Variants in RBFOX1 observed in about 807,000 individuals in gnomAD.
RBFOX1 encodes the protein RNA binding fox-1 homolog 1.
In RBFOX1, 8 loss-of-function variants were observed where a neutral mutation model predicts 57.7. The ratio of observed to expected loss-of-function variants is 0.14; its 90% CI spans 0.08 to 0.25. The LOEUF is 0.25. Ranked by LOEUF, RBFOX1 falls within the 10% of genes least tolerant of loss-of-function variation. RBFOX1 has a pLI of 1.00. For missense variants in RBFOX1, 611 were observed against 548.5 expected (o/e 1.11, Z -1.14); for synonymous variants, 326 against 222.4 (o/e 1.47, Z -4.15).
chr16:6,454,676 C>T (rs1038855157), intron 2 of RBFOX1, among the ~76,000 whole-genome samples: 4 of 152,104 alleles, frequency 2.6e-5, no homozygotes, highest in African/African-American at 7.2e-5. Context: ...CATGTGCATT[C>T]TTCTGCCTGG....
intron 2 of RBFOX1, among the ~76,000 whole-genome samples, chr16:6,617,496 T>C (rs569288802): frequency 6.6e-6 from 1 of 151,934 alleles, no homozygotes; most frequent in East Asian, 2.0e-4. Context: ...CTTGTATTTT[T>C]CCTAGCAGAA....
intron 4 of RBFOX1, among the ~76,000 whole-genome samples, chr16:5,962,867 C>T (rs1278965242): frequency 6.8e-6 from 1 of 147,190 alleles, no homozygotes; most frequent in Admixed American, 6.8e-5. Context: ...GAGTATGTCG[C>T]CTTGAGAGAA....
intron 11 of RBFOX1, among the ~76,000 whole-genome samples, chr16:7,644,110 C>G (rs1241573912): frequency 1.3e-5 from 2 of 152,102 alleles, no homozygotes; most frequent in African/African-American, 4.8e-5. Context: ...TTTCCCGGAG[C>G]CTGACTGGGG....
At chr16:7,615,861 G>A (rs1224216455) in intron 10 of RBFOX1, among the ~76,000 whole-genome samples, 1 of 152,098 alleles carries the variant, frequency 6.6e-6, no homozygotes, top group African/African-American at 2.4e-5. Flanking sequence ...AATAGTGCTG[G>A]GTTTGAGAAA....
At chr16:6,720,813 G>T (rs925096327) in intron 3 of RBFOX1, among the ~76,000 whole-genome samples, 1 of 152,160 alleles carries the variant, frequency 6.6e-6, no homozygotes, top group African/African-American at 2.4e-5. Context: ...GAAGGATTAA[G>T]GATGTTGCTG....
chr16:7,330,388 G>GTTTT (rs71391623), intron 4 of RBFOX1, among the ~76,000 whole-genome samples: 12 of 88,134 alleles, frequency 1.4e-4, no homozygotes, highest in African/African-American at 3.1e-4. Context: ...AGGTGCAGAG[G>GTTTT]TTTTTTTTTT....
At chr16:6,223,880 G>C (rs770658240) in intron 1 of RBFOX1, among the ~76,000 whole-genome samples, 1 of 152,070 alleles carries the variant, frequency 6.6e-6, no homozygotes, top group Non-Finnish European at 1.5e-5. Context: ...ATTTTTGTAT[G>C]AGGTGTAAGG....
intron 1 of RBFOX1, among the ~76,000 whole-genome samples, chr16:5,255,322 T>TTCCATCCATCCATCCATCCC (rs2062557865): frequency 3.4e-5 from 4 of 119,372 alleles, no homozygotes; most frequent in Admixed American, 8.3e-5. Context: ...CCACACTTCC[T>TTCCATCCATCCATCCATCCC]TCCATCCATC....
chr16:6,514,570 G>A (rs537351555), intron 2 of RBFOX1, among the ~76,000 whole-genome samples: 17 of 152,218 alleles, frequency 1.1e-4, no homozygotes, highest in African/African-American at 2.9e-4. Flanking sequence ...GTGTAGGCAC[G>A]TATGTGGGGG....
At chr16:7,710,043 C>G (rs1488701845) in intron 15 of RBFOX1, 2 of 1,003,020 alleles carry the variant, frequency 2.0e-6, no homozygotes, top group Non-Finnish European at 2.4e-6. Flanking sequence ...GGACAGTTCA[C>G]TGAAGCTCAG....
At chr16:6,624,901 G>A (rs928274913) in intron 2 of RBFOX1, among the ~76,000 whole-genome samples, 8 of 152,126 alleles carry the variant, frequency 5.3e-5, no homozygotes, top group South Asian at 4.2e-4. Flanking sequence ...GGTTGCTCAC[G>A]CCTGTAATCC....
At chr16:6,312,607 G>T (rs1167426242) in intron 1 of RBFOX1, among the ~76,000 whole-genome samples, 1 of 152,126 alleles carries the variant, frequency 6.6e-6, no homozygotes, top group Non-Finnish European at 1.5e-5. Flanking sequence ...GGGAGGCTGA[G>T]TGTGTCTAAA....
intron 4 of RBFOX1, among the ~76,000 whole-genome samples, chr16:7,092,297 C>G (rs1042471679): frequency 3.9e-5 from 6 of 152,130 alleles, no homozygotes; most frequent in Non-Finnish European, 7.4e-5. Context: ...CATTAAAAGC[C>G]TGTATCAATT....
chr16:7,055,774 C>T (rs1568569983), intron 4 of RBFOX1, among the ~76,000 whole-genome samples: 1 of 152,146 alleles, frequency 6.6e-6, no homozygotes, highest in Non-Finnish European at 1.5e-5. Context: ...GCAGAAAATG[C>T]ACTCCAGTGT....
chr16:6,692,134 A>C lies in RBFOX1; in HGVS notation c.-16+37484A>C, dbSNP rs192337347. Among the ~76,000 whole-genome samples the C allele has an allele frequency of 5.5e-3, 838 of 152,350 alleles. 7 individuals are homozygous for C. The highest frequency in any genetic ancestry group is 0.019 in the African/African-American group (793 of 41,594). ...TTAAGTAAGTTTAATTAAGTAAGTT[A>C]GTGGTAACATATTCTCCTATTTTAC... is the stretch of plus-strand genomic sequence containing the variant. On this transcript the variant is annotated intron_variant, in intron 3 of 15. Transcript: ENST00000550418.
At chr16:5,991,645 G>GTTTCTTTTTTTTTTTTT (rs1567229409) in intron 4 of RBFOX1, among the ~76,000 whole-genome samples, 1 of 123,934 alleles carries the variant, frequency 8.1e-6, no homozygotes, top group Non-Finnish European at 1.8e-5. Context: ...TTATTAGATA[G>GTTTCTTTTTTTTTTTTT]TTTTTTTTTT....
At chr16:5,994,736 G>C (rs558721162) in intron 4 of RBFOX1, among the ~76,000 whole-genome samples, 1 of 152,252 alleles carries the variant, frequency 6.6e-6, no homozygotes, top group East Asian at 1.9e-4. Flanking sequence ...CGCTGGATTT[G>C]GCCCATGGGC....
Position 7,677,132 on chromosome 16 carries a change from T to TACACATACACACACACACACACACAC in RBFOX1, c.995+299_995+300insTACACACACACACACACACACACACA, listed in dbSNP as rs71394335. On this transcript the variant is annotated intron_variant, in intron 14 of 15. Transcript: ENST00000550418. ...ACAACGCACCTTGCTCACATACACA[T>TACACATACACACACACACACACACAC]ACACACACACACACACACACACACA... 2.1e-3 allele frequency among the ~76,000 whole-genome samples: 292 copies of TACACATACACACACACACACACACAC among 137,930 alleles called. 2 individuals are homozygous for TACACATACACACACACACACACACAC. The highest frequency in any genetic ancestry group is 3.8e-3 in the South Asian group (16 of 4,228). 90.5% of individuals were successfully genotyped at this position (137,930 alleles called of 152,430 possible). A position where few individuals can be genotyped will look rare whatever the true frequency, so the allele number is the denominator to read the frequency against.
intron 3 of RBFOX1, among the ~76,000 whole-genome samples, chr16:6,804,297 C>G (rs1410562168): frequency 6.6e-6 from 1 of 152,156 alleles, no homozygotes; most frequent in South Asian, 2.1e-4. Context: ...CATGAGCCAC[C>G]CAGCCCTGCC....
Sources: allele counts gnomAD v4.1 joint callset (sites outside exome capture counted in the v4.1 genomes callset), GRCh38; gene constraint gnomAD v4.1.1; transcripts MANE v1.5; gene names NCBI Gene and HGNC (gene_info 2026-07-23, HGNC 2026-07-21).